Variants in LNX1 observed in about 807,000 individuals in gnomAD.
The protein encoded by LNX1 is ligand of numb-protein X 1, also known as E3 ubiquitin-protein ligase LNX.
A neutral mutation model predicts 68.4 loss-of-function variants in LNX1; 54 were observed. The observed-to-expected ratio is 0.79, with a 90% CI of 0.63 to 0.99. The LOEUF (loss-of-function observed/expected upper bound fraction) is 0.99, where lower values mean the gene tolerates loss of function less well. Ranked by LOEUF, LNX1 falls within the 50% of genes least tolerant of loss-of-function variation. LNX1 has a pLI of 0.00. For missense variants in LNX1, 906 were observed against 926.4 expected, an observed-to-expected ratio of 0.98 and a Z score of 0.29; for synonymous variants, 336 against 350.0, an observed-to-expected ratio of 0.96 and a Z score of 0.45.
intron 2 of LNX1, among the ~76,000 whole-genome samples, chr4:53,596,832 C>A (rs1420558050): frequency 6.6e-6 from 1 of 152,144 alleles, no homozygotes; most frequent in Non-Finnish European, 1.5e-5. Context: ...TTGAGTCACC[C>A]ATTCTCAGGA....
At chr4:53,651,415 C>A (rs1313973819) in intron 1 of LNX1, among the ~76,000 whole-genome samples, 2 of 152,178 alleles carry the variant, frequency 1.3e-5, no homozygotes, top group Non-Finnish European at 2.9e-5. Flanking sequence ...GAAGTGAATT[C>A]AATGCCCAGG....
intron 9 of LNX1, among the ~76,000 whole-genome samples, chr4:53,473,524 C>G (rs960616354): frequency 6.6e-6 from 1 of 152,270 alleles, no homozygotes; most frequent in Non-Finnish European, 1.5e-5. Flanking sequence ...ATCTGGAGGA[C>G]ATTATCCTTA....
At chr4:53,574,985 T>G (rs1731395764) in intron 1 of LNX1, among the ~76,000 whole-genome samples, 1 of 151,796 alleles carries the variant, frequency 6.6e-6, no homozygotes, top group Non-Finnish European at 1.5e-5. Context: ...ATATTTCGTT[T>G]TTTTTTTTTC....
rs981465650 is a variant in LNX1, at chr4:53,605,105, G to A, written c.-215+11412C>T. Among the ~76,000 whole-genome samples the A allele has an allele frequency of 1.7e-4, 26 of 152,122 alleles. 2 individuals carry two copies. The highest frequency in any genetic ancestry group is 1.1e-3 in the Admixed American group (17 of 15,274). On this transcript the variant is annotated intron_variant, in intron 2 of 3. Coordinates refer to the LNX1 transcript ENST00000504299. The stretch of plus-strand genomic sequence containing the variant: ...ATAGCACCACTTCTCCCATGTTCTC[G>A]TGGTCAAAGGAGTTACAAGGCCCAC...
At chr4:53,558,055 A>G in intron 2 of LNX1, 1 of 1,570,580 alleles carries the variant, frequency 6.4e-7, no homozygotes, top group South Asian at 1.2e-5. Flanking sequence ...AAACCTTGCC[A>G]TGCCCCCACA....
At chr4:53,507,212 AAG>A in intron 4 of LNX1, 103 bp downstream of exon 4, 1 of 1,213,124 alleles carries the variant, frequency 8.2e-7, no homozygotes, top group Non-Finnish European at 1.2e-6. Flanking sequence ...TACCCTTGGG[AAG>A]AGAGGGGTCA....
At position 53,535,940 on chromosome 4, in the gene LNX1, C is replaced by A. The variant is rs188284219; in HGVS notation, c.381-27713G>T. Among the ~76,000 whole-genome samples the A allele has an allele frequency of 1.6e-3, 237 of 152,222 alleles. 2 individuals are homozygous for A. Among genetic ancestry groups the A allele is most frequent in the East Asian group, 7.0e-3 (36 of 5,178 alleles). On this transcript the variant is annotated intron_variant, in intron 2 of 10. Transcript: ENST00000263925. ...TTTACCGATGGGGAAGCTCAAATAC[C>A]AAAGGATTGGACTTAGTCAAGGTCA...
At chr4:53,518,079 T>C (rs964559720) in intron 2 of LNX1, among the ~76,000 whole-genome samples, 3 of 151,970 alleles carry the variant, frequency 2.0e-5, no homozygotes, top group African/African-American at 7.3e-5. Context: ...ACAGGAAAAA[T>C]TCAAAACAAG....
chr4:53,487,108 G>A (rs17082893), intron 6 of LNX1, among the ~76,000 whole-genome samples: 81,828 of 151,906 alleles, frequency 0.54, 23,901 homozygotes, highest in Non-Finnish European at 0.65. Flanking sequence ...CTGTCAGGGC[G>A]TAACATAGAT....
intron 2 of LNX1, among the ~76,000 whole-genome samples, chr4:53,533,424 C>T (rs1728152659): frequency 6.6e-6 from 1 of 152,220 alleles, no homozygotes; most frequent in Admixed American, 6.5e-5. Flanking sequence ...TTTGAGGTGG[C>T]GTCTCCCTCT....
intron 1 of LNX1, among the ~76,000 whole-genome samples, chr4:53,634,898 T>C (rs1734411370): frequency 6.6e-6 from 1 of 151,968 alleles, no homozygotes; most frequent in Non-Finnish European, 1.5e-5. Flanking sequence ...AGTGCAATCA[T>C]GGGATCGTAG....
At chr4:53,555,009 G>A (rs1265008955) in intron 2 of LNX1, among the ~76,000 whole-genome samples, 2 of 152,018 alleles carry the variant, frequency 1.3e-5, no homozygotes, top group East Asian at 1.9e-4. Context: ...AGAGAGAAAG[G>A]AAAATCCAGG....
chr4:53,577,221 G>A lies in LNX1; in HGVS notation c.-86-3133C>T, dbSNP rs141936072. Reference sequence around the variant, plus strand: ...GAAAATGGAAATGGGCCATGCAAAAGATTATCATCTACAATCTATAGGGGA... The same window carrying A: ...GAAAATGGAAATGGGCCATGCAAAAAATTATCATCTACAATCTATAGGGGA... On this transcript the variant is annotated intron_variant, in intron 1 of 10. Coordinates refer to ENST00000263925, the MANE Select transcript of LNX1 (RefSeq NM_001126328.3). Among the ~76,000 whole-genome samples the A allele has an allele frequency of 2.5e-3, 383 of 152,312 alleles. 1 individual carries two copies. The highest frequency in any genetic ancestry group is 0.024 in the Middle Eastern group (7 of 294).
chr4:53,519,674 T>C (rs1376499179), intron 2 of LNX1, among the ~76,000 whole-genome samples: 2 of 88,026 alleles, frequency 2.3e-5, no homozygotes, highest in Non-Finnish European at 5.2e-5. Flanking sequence ...CACACACACA[T>C]GCGCGCACAT....
chr4:53,484,051 T>C (rs1215942313), intron 6 of LNX1, among the ~76,000 whole-genome samples: 3 of 152,118 alleles, frequency 2.0e-5, no homozygotes, highest in African/African-American at 7.2e-5. Flanking sequence ...CCCTCTACCA[T>C]GTAAGGACAA....
At chr4:53,548,945 A>C (rs933588195) in intron 2 of LNX1, among the ~76,000 whole-genome samples, 2 of 152,192 alleles carry the variant, frequency 1.3e-5, no homozygotes, top group African/African-American at 4.8e-5. Context: ...AATGCTGCAT[A>C]TCTAAGTGGG....
intron 9 of LNX1, among the ~76,000 whole-genome samples, chr4:53,472,815 G>C (rs1402164860): frequency 6.6e-6 from 1 of 151,870 alleles, no homozygotes; most frequent in Non-Finnish European, 1.5e-5. Context: ...TGATAAAAGA[G>C]ATGCTAATGG....
At chr4:53,551,976 G>T (rs1400097833) in intron 2 of LNX1, among the ~76,000 whole-genome samples, 5 of 152,166 alleles carry the variant, frequency 3.3e-5, no homozygotes, top group African/African-American at 9.7e-5. Flanking sequence ...CAAAACTCCA[G>T]TGGGAATAAG....
intron 1 of LNX1, among the ~76,000 whole-genome samples, chr4:53,646,612 G>T (rs1200221256): frequency 6.6e-6 from 1 of 152,168 alleles, no homozygotes; most frequent in Non-Finnish European, 1.5e-5. Flanking sequence ...TGTTTTAAAA[G>T]AACTTGAAAT....
Sources: allele counts gnomAD v4.1 joint callset (sites outside exome capture counted in the v4.1 genomes callset), GRCh38; gene constraint gnomAD v4.1.1; transcripts MANE v1.5; gene names NCBI Gene and HGNC (gene_info 2026-07-23, HGNC 2026-07-21).